Variants in WWOX observed in about 807,000 individuals in gnomAD.
WWOX encodes the protein WW domain-containing oxidoreductase.
Under a neutral mutation model 46.2 loss-of-function variants are expected in WWOX, and 69 were observed. The observed-to-expected ratio is 1.49, with a 90% CI of 1.23 to 1.82. The LOEUF (loss-of-function observed/expected upper bound fraction) is 1.82. WWOX is among the 40% of genes most tolerant of loss of function. WWOX has a pLI of 0.00. For missense variants in WWOX, 919 were observed against 542.6 expected, an observed-to-expected ratio of 1.69 and a Z score of -6.89; for synonymous variants, 359 against 202.6, an observed-to-expected ratio of 1.77 and a Z score of -6.56.
chr16:79,165,787 TTGGCTTCTCCGAGTCAGCC>T (rs1159385972), intron 8 of WWOX, among the ~76,000 whole-genome samples: 1 of 152,228 alleles, frequency 6.6e-6, no homozygotes, highest in East Asian at 1.9e-4. Context: ...ACAGGCAGGC[TTGGCTTCTCCGAGTCAGCC>T]TGAACAAATT....
At chr16:78,570,187 G>A (rs1050899475) in intron 8 of WWOX, among the ~76,000 whole-genome samples, 62 of 152,296 alleles carry the variant, frequency 4.1e-4, no homozygotes, top group Non-Finnish European at 5.0e-4. Flanking sequence ...AAACTCAGGG[G>A]AAACTAGTGA....
At chr16:78,752,251 G>A (rs1462857880) in intron 8 of WWOX, among the ~76,000 whole-genome samples, 1 of 152,192 alleles carries the variant, frequency 6.6e-6, no homozygotes, top group African/African-American at 2.4e-5. Context: ...TTGTCTGTCA[G>A]TGTTAGAGAC....
chr16:79,192,233 C>T (rs2150810227), intron 8 of WWOX, among the ~76,000 whole-genome samples: 1 of 152,266 alleles, frequency 6.6e-6, no homozygotes, highest in South Asian at 2.1e-4. Flanking sequence ...GAGTCATTTC[C>T]ACAATACGCC....
chr16:79,148,164 A>C (rs952701292), intron 8 of WWOX, among the ~76,000 whole-genome samples: 3 of 152,192 alleles, frequency 2.0e-5, no homozygotes, highest in African/African-American at 7.2e-5. Flanking sequence ...ATATATCCCA[A>C]ATAATTTCTA....
intron 6 of WWOX, among the ~76,000 whole-genome samples, chr16:78,414,835 T>C (rs2082763556): frequency 6.6e-6 from 1 of 152,120 alleles, no homozygotes; most frequent in Non-Finnish European, 1.5e-5. Flanking sequence ...GCTTGGCCCA[T>C]GCCCAGGAAT....
chr16:78,983,870 C>CTTTTTTTTTTTTTTTTTTT (rs760130115), intron 8 of WWOX, among the ~76,000 whole-genome samples: 2 of 79,844 alleles, frequency 2.5e-5, no homozygotes, highest in Non-Finnish European at 4.4e-5. Context: ...GAGAGCTATT[C>CTTTTTTTTTTTTTTTTTTT]TTTTTTTTTT....
intron 5 of WWOX, among the ~76,000 whole-genome samples, chr16:78,336,531 C>CA (rs2080892555): frequency 7.3e-6 from 1 of 137,758 alleles, no homozygotes; most frequent in Admixed American, 7.4e-5. Context: ...AAAAAGCCTA[C>CA]AGTTGACAGG....
intron 8 of WWOX, among the ~76,000 whole-genome samples, chr16:79,066,094 C>T (rs1301520482): frequency 1.3e-5 from 2 of 152,208 alleles, no homozygotes; most frequent in Admixed American, 6.5e-5. Context: ...CACCTGTCTC[C>T]TGTCTCCTGC....
chr16:79,001,372 C>T (rs1285671327), intron 8 of WWOX, among the ~76,000 whole-genome samples: 1 of 152,024 alleles, frequency 6.6e-6, no homozygotes, highest in Admixed American at 6.6e-5. Flanking sequence ...TGTTGAGTTT[C>T]TTCTGGTGGA....
At chr16:78,638,751 C>G (rs748741178) in intron 8 of WWOX, among the ~76,000 whole-genome samples, 3 of 152,160 alleles carry the variant, frequency 2.0e-5, no homozygotes, top group Non-Finnish European at 4.4e-5. Flanking sequence ...GGTGCTCTCT[C>G]TCTCTGGGTT....
chr16:78,591,972 A>T (rs1442900119), intron 8 of WWOX, among the ~76,000 whole-genome samples: 1 of 152,190 alleles, frequency 6.6e-6, no homozygotes, highest in African/African-American at 2.4e-5. Flanking sequence ...CAATGCGCCT[A>T]TTGACTTCTT....
At chr16:78,858,491 T>C (rs1367023468) in intron 8 of WWOX, among the ~76,000 whole-genome samples, 1 of 152,042 alleles carries the variant, frequency 6.6e-6, no homozygotes, top group Non-Finnish European at 1.5e-5. Flanking sequence ...ACTATACACA[T>C]AGCTGAATGT....
At chr16:78,618,195 C>G (rs998675559) in intron 8 of WWOX, among the ~76,000 whole-genome samples, 4 of 152,194 alleles carry the variant, frequency 2.6e-5, no homozygotes, top group Non-Finnish European at 5.9e-5. Flanking sequence ...CTCACTGATT[C>G]TAAAGTCCTT....
intron 5 of WWOX, among the ~76,000 whole-genome samples, chr16:78,371,717 C>G (rs1037872890): frequency 2.0e-5 from 3 of 151,892 alleles, no homozygotes; most frequent in African/African-American, 4.8e-5. Flanking sequence ...TTTATTTTGC[C>G]TAAAATTTTA....
chr16:78,290,910 A>G (rs2079848108), intron 5 of WWOX, among the ~76,000 whole-genome samples: 1 of 152,208 alleles, frequency 6.6e-6, no homozygotes, highest in African/African-American at 2.4e-5. Context: ...GCAAAGTTTA[A>G]TTTTGCTTAA....
chr16:78,211,199 C>A (rs1405020718), intron 5 of WWOX, among the ~76,000 whole-genome samples: 1 of 152,138 alleles, frequency 6.6e-6, no homozygotes, highest in African/African-American at 2.4e-5. Flanking sequence ...TCCCACGCTG[C>A]CAATTTCCCA....
intron 8 of WWOX, among the ~76,000 whole-genome samples, chr16:78,887,312 A>G (rs2044485737): frequency 6.6e-6 from 1 of 151,704 alleles, no homozygotes; most frequent in African/African-American, 2.4e-5. Context: ...ATGCAGCCCA[A>G]CTCTATTTTA....
intron 6 of WWOX, among the ~76,000 whole-genome samples, chr16:78,387,886 G>C (rs2082093392): frequency 6.6e-6 from 1 of 152,138 alleles, no homozygotes; most frequent in Non-Finnish European, 1.5e-5. Flanking sequence ...ACCACTGAAT[G>C]TGGAGAGCTC....
intron 5 of WWOX, among the ~76,000 whole-genome samples, chr16:78,174,788 G>A (rs959903255): frequency 1.3e-5 from 2 of 152,002 alleles, no homozygotes; most frequent in Admixed American, 6.6e-5. Context: ...AAAAGCTGGC[G>A]ACCAGCCTGG....
Sources: gnomAD v4.1 joint callset for allele counts (sites outside exome capture counted in the v4.1 genomes callset) on GRCh38, gnomAD v4.1.1 for gene constraint, MANE v1.5 for transcripts, NCBI Gene and HGNC (gene_info 2026-07-23, HGNC 2026-07-21) for gene names.